The following LHFPL2 variants were observed in gnomAD, a reference collection of about 807,000 sequenced individuals.
The protein encoded by LHFPL2 is LHFPL tetraspan subfamily member 2 protein.
In LHFPL2, 7 loss-of-function variants were observed where a neutral mutation model predicts 17.5. The observed-to-expected ratio is 0.40, with a 90% CI of 0.23 to 0.75. LHFPL2 has a LOEUF of 0.75. LHFPL2 is among the 30% of genes least tolerant of loss of function. The pLI is 0.37. For synonymous variants in LHFPL2, 134 were observed against 116.2 expected (o/e 1.15, Z -0.99); for missense variants, 241 against 294.8 (o/e 0.82, Z 1.34).
chr5:78,542,488 C>T (rs1296403088), intron 3 of LHFPL2, among the ~76,000 whole-genome samples: 1 of 152,216 alleles, frequency 6.6e-6, no homozygotes, highest in Non-Finnish European at 1.5e-5. Flanking sequence ...GGCTGGGAGG[C>T]TCTGACAGAG....
chr5:78,596,704 C>T (rs931437600), intron 2 of LHFPL2, among the ~76,000 whole-genome samples: 1 of 152,158 alleles, frequency 6.6e-6, no homozygotes, highest in Non-Finnish European at 1.5e-5. Context: ...GTCCCAGAAC[C>T]CAGCTAGGAA....
intron 3 of LHFPL2, among the ~76,000 whole-genome samples, chr5:78,562,960 T>A (rs1580810086): frequency 6.6e-6 from 1 of 152,364 alleles, no homozygotes; most frequent in African/African-American, 2.4e-5. Flanking sequence ...AAGCCATTAC[T>A]GGGAAACACA....
intron 2 of LHFPL2, among the ~76,000 whole-genome samples, chr5:78,565,714 A>T (rs1756841109): frequency 1.3e-5 from 2 of 152,260 alleles, no homozygotes. Flanking sequence ...AACTGATGTT[A>T]AAAGAAGTAG....
chr5:78,575,427 T>TA (rs1323147477), intron 2 of LHFPL2, among the ~76,000 whole-genome samples: 1 of 152,032 alleles, frequency 6.6e-6, no homozygotes, highest in Admixed American at 6.6e-5. Context: ...CACGCACCTG[T>TA]AGTCCCAGCT....
intron 2 of LHFPL2, among the ~76,000 whole-genome samples, chr5:78,631,219 C>T (rs892239596): frequency 3.9e-5 from 6 of 152,328 alleles, no homozygotes; most frequent in East Asian, 3.9e-4. Context: ...ATTGCCTTTA[C>T]GTTTAGATAA....
At chr5:78,617,471 T>C (rs181998661) in intron 2 of LHFPL2, among the ~76,000 whole-genome samples, 1 of 152,304 alleles carries the variant, frequency 6.6e-6, no homozygotes, top group Admixed American at 6.5e-5. Flanking sequence ...TACCTGCTTG[T>C]AGGCACACAG....
chr5:78,598,638 G>C (rs1743903763), intron 2 of LHFPL2, among the ~76,000 whole-genome samples: 1 of 152,150 alleles, frequency 6.6e-6, no homozygotes, highest in South Asian at 2.1e-4. Flanking sequence ...GAGAAAGTTT[G>C]GGATCTTCTG....
rs752935275 is a variant in LHFPL2 at position 78,554,380 on chromosome 5, G to A, written c.-186+10433C>T. Among the ~76,000 whole-genome samples, 10 of 152,360 alleles carry A rather than the reference G, an allele frequency of 6.6e-5. No individual in the cohort carries two copies. In the South Asian group the frequency reaches 1.7e-3, roughly 25 times the overall value. On this transcript the variant is annotated intron_variant, in intron 3 of 4. Coordinates refer to ENST00000380345, the MANE Select transcript of LHFPL2 (RefSeq NM_005779.3). ...TATCCCAGATCTTGCTGGCCCAGCTGGGATAATTCTGATGGAAGTCTCATA... is the reference window on the plus strand; with the variant it reads ...TATCCCAGATCTTGCTGGCCCAGCTAGGATAATTCTGATGGAAGTCTCATA...
chr5:78,522,172 G>A (rs1333509031), intron 3 of LHFPL2, among the ~76,000 whole-genome samples: 4 of 152,156 alleles, frequency 2.6e-5, no homozygotes, highest in African/African-American at 9.7e-5. Flanking sequence ...GGCCAGGCAT[G>A]TTGGCTCACA....
chr5:78,519,898 A>T (rs1266000289), intron 3 of LHFPL2, among the ~76,000 whole-genome samples: 2 of 152,226 alleles, frequency 1.3e-5, no homozygotes, highest in African/African-American at 4.8e-5. Flanking sequence ...TAATTTCCCC[A>T]TGTAAAAGGA....
At chr5:78,575,230 G>A (rs182959878) in intron 2 of LHFPL2, among the ~76,000 whole-genome samples, 19 of 152,294 alleles carry the variant, frequency 1.2e-4, no homozygotes, top group Middle Eastern at 3.4e-3. Flanking sequence ...GGGTTTTGCT[G>A]TAAATAAACA....
intron 3 of LHFPL2, among the ~76,000 whole-genome samples, chr5:78,556,609 A>C (rs926108948): frequency 1.3e-5 from 2 of 152,228 alleles, no homozygotes; most frequent in African/African-American, 2.4e-5. Context: ...TGGTTTAAAA[A>C]AATCAGAACT....
intron 4 of LHFPL2, among the ~76,000 whole-genome samples, chr5:78,497,720 A>C (rs1293762865): frequency 2.6e-5 from 4 of 152,258 alleles, no homozygotes; most frequent in African/African-American, 9.6e-5. Context: ...TGGCCAACAG[A>C]ACGCCAGCTA....
chr5:78,640,853 G>A lies in LHFPL2; in HGVS notation c.-350+7646C>T, dbSNP rs190862827. On this transcript the variant is annotated intron_variant, in intron 1 of 4. Coordinates refer to ENST00000380345, the MANE Select transcript of LHFPL2 (RefSeq NM_005779.3). ...AGTAAGAGGAGTAACGGTTGTGCCTGCAATTCAACAAGCATTCACTGGGGC... is the reference window on the plus strand; with the variant it reads ...AGTAAGAGGAGTAACGGTTGTGCCTACAATTCAACAAGCATTCACTGGGGC... Among the ~76,000 whole-genome samples, 45 of 152,188 alleles carry A rather than the reference G, an allele frequency of 3.0e-4. 1 individual carries two copies. Among genetic ancestry groups the A allele is most frequent in the Admixed American group, 2.5e-3 (39 of 15,310 alleles).
intron 3 of LHFPL2, among the ~76,000 whole-genome samples, chr5:78,559,191 GA>G (rs1425348587): frequency 3.3e-5 from 5 of 152,156 alleles, no homozygotes; most frequent in Non-Finnish European, 7.4e-5. Flanking sequence ...TGGCTTAAAA[GA>G]AATTTTGTGG....
At chr5:78,635,365 C>G (rs1230329601) in intron 1 of LHFPL2, among the ~76,000 whole-genome samples, 2 of 152,186 alleles carry the variant, frequency 1.3e-5, no homozygotes, top group Non-Finnish European at 2.9e-5. Flanking sequence ...AAAGACGCCC[C>G]CAACACTCCC....
At chr5:78,551,542 C>A (rs1447767443) in intron 3 of LHFPL2, among the ~76,000 whole-genome samples, 1 of 152,128 alleles carries the variant, frequency 6.6e-6, no homozygotes, top group Non-Finnish European at 1.5e-5. Context: ...TTCCCTCTAA[C>A]AAGGTAGCTA....
At chr5:78,556,776 A>G (rs1045712881) in intron 3 of LHFPL2, among the ~76,000 whole-genome samples, 1 of 152,202 alleles carries the variant, frequency 6.6e-6, no homozygotes. Flanking sequence ...ATACAGAGTA[A>G]GAACTCAGTT....
chr5:78,645,342 C>T (rs1452288255), intron 1 of LHFPL2, among the ~76,000 whole-genome samples: 1 of 151,774 alleles, frequency 6.6e-6, no homozygotes, highest in African/African-American at 2.4e-5. Context: ...GAGCCTGGCC[C>T]AAGGGAGTGG....
Sources: gnomAD v4.1 joint callset for allele counts (sites outside exome capture counted in the v4.1 genomes callset) on GRCh38, gnomAD v4.1.1 for gene constraint, MANE v1.5 for transcripts, NCBI Gene and HGNC (gene_info 2026-07-23, HGNC 2026-07-21) for gene names.